The following EPHA6 variants were observed in gnomAD, a reference collection of about 807,000 sequenced individuals.
EPHA6 encodes the protein ephrin type-A receptor 6.
Under a neutral mutation model 112.0 loss-of-function variants are expected in EPHA6, and 50 were observed. The observed-to-expected ratio is 0.45, with a 90% CI of 0.36 to 0.56. The LOEUF is 0.56. EPHA6 is among the 20% of genes least tolerant of loss of function. The pLI, the probability that EPHA6 is intolerant of heterozygous loss-of-function variation, is 0.00. For synonymous variants in EPHA6, 529 were observed against 490.7 expected (o/e 1.08, Z -1.03); for missense variants, 1,280 against 1,417.4 (o/e 0.90, Z 1.56).
intron 14 of EPHA6, among the ~76,000 whole-genome samples, chr3:97,662,782 C>T (rs2094178339): frequency 1.3e-5 from 2 of 152,198 alleles, no homozygotes; most frequent in South Asian, 4.1e-4. Context: ...ATAAAGTACG[C>T]TGTATCCAAG....
At chr3:97,391,526 GTT>G (rs1263963762) in intron 5 of EPHA6, among the ~76,000 whole-genome samples, 2 of 151,882 alleles carry the variant, frequency 1.3e-5, no homozygotes, top group African/African-American at 4.8e-5. Flanking sequence ...TACCTACTAA[GTT>G]ACAGTGTATA....
chr3:97,336,031 C>G (rs1414968955), intron 5 of EPHA6, among the ~76,000 whole-genome samples: 1 of 152,074 alleles, frequency 6.6e-6, no homozygotes, highest in African/African-American at 2.4e-5. Context: ...ATCTCAAGCA[C>G]GTATCTTAAG....
At position 97,091,643 on chromosome 3, in the gene EPHA6, G is replaced by A. The variant is rs935600235; in HGVS notation, c.1114+103650G>A. Among the ~76,000 whole-genome samples, 4 of 152,152 alleles carry A rather than the reference G, an allele frequency of 2.6e-5. No individual in the cohort carries two copies. The East Asian group carries it at 7.7e-4, about 29-fold the overall frequency. On this transcript the variant is annotated intron_variant, in intron 3 of 17. Coordinates refer to ENST00000389672, the MANE Select transcript of EPHA6 (RefSeq NM_001080448.3). ...TCTGTTTTCTATTCTGTAAGATTAG[G>A]CTAATATGTATGTTAAATAATATTT... is the stretch of plus-strand genomic sequence containing the variant.
At chr3:97,325,485 A>G (rs534565590) in intron 5 of EPHA6, among the ~76,000 whole-genome samples, 71 of 152,168 alleles carry the variant, frequency 4.7e-4, no homozygotes, top group Admixed American at 1.9e-3. Context: ...TTTTAACTCA[A>G]TCACTTCTTT....
chr3:97,537,990 G>T (rs2092787233), intron 11 of EPHA6, among the ~76,000 whole-genome samples: 1 of 152,188 alleles, frequency 6.6e-6, no homozygotes, highest in Non-Finnish European at 1.5e-5. Flanking sequence ...AAACCTGAAT[G>T]CAGGGAGGGA....
At chr3:97,384,077 G>A (rs1199146797) in intron 5 of EPHA6, among the ~76,000 whole-genome samples, 1 of 152,072 alleles carries the variant, frequency 6.6e-6, no homozygotes, top group Admixed American at 6.6e-5. Context: ...TTGACTATTG[G>A]AAAATCTATA....
chr3:97,090,811 T>TA (rs1237100765), intron 3 of EPHA6, among the ~76,000 whole-genome samples: 1 of 151,996 alleles, frequency 6.6e-6, no homozygotes, highest in African/African-American at 2.4e-5. Context: ...TCTAGAAACT[T>TA]AGAGAGTTGA....
At chr3:97,714,021 A>G (rs1419629715) in intron 14 of EPHA6, among the ~76,000 whole-genome samples, 1 of 152,188 alleles carries the variant, frequency 6.6e-6, no homozygotes, top group Admixed American at 6.5e-5. Context: ...AAATTACTAG[A>G]ACTGTGTCAG....
chr3:97,447,112 A>G (rs781421961), intron 6 of EPHA6, among the ~76,000 whole-genome samples: 18 of 152,188 alleles, frequency 1.2e-4, no homozygotes, highest in Non-Finnish European at 2.2e-4. Context: ...GAATAACCAA[A>G]TAGCATATAA....
intron 6 of EPHA6, among the ~76,000 whole-genome samples, chr3:97,431,110 AT>A (rs1298165413): frequency 1.3e-5 from 2 of 151,970 alleles, no homozygotes; most frequent in African/African-American, 4.8e-5. Flanking sequence ...ATGGTTTTAA[AT>A]TTCTTGGTAA....
chr3:97,745,598 A>G (rs564498602), intron 16 of EPHA6: 90 of 206,916 alleles, frequency 4.3e-4, no homozygotes, highest in Non-Finnish European at 8.4e-4. Context: ...TTCCAATCAT[A>G]TATAAAGAAT....
intron 7 of EPHA6, among the ~76,000 whole-genome samples, chr3:97,454,715 A>G (rs2090627813): frequency 6.6e-6 from 1 of 151,770 alleles, no homozygotes; most frequent in Non-Finnish European, 1.5e-5. Flanking sequence ...TTTTTTAAAA[A>G]CCTCCATTAT....
At chr3:97,187,657 A>AG (rs1576644720) in intron 3 of EPHA6, among the ~76,000 whole-genome samples, 1 of 138,848 alleles carries the variant, frequency 7.2e-6, no homozygotes, top group Non-Finnish European at 1.6e-5. Flanking sequence ...AGAGAAAGAA[A>AG]GAAAGGAAAG....
At chr3:97,238,098 A>G (rs1033057918) in intron 4 of EPHA6, among the ~76,000 whole-genome samples, 3 of 151,968 alleles carry the variant, frequency 2.0e-5, no homozygotes, top group Non-Finnish European at 4.4e-5. Flanking sequence ...AATTATGTAC[A>G]TGCTGTATGG....
At chr3:96,898,651 A>T (rs2038415991) in intron 2 of EPHA6, among the ~76,000 whole-genome samples, 4 of 152,246 alleles carry the variant, frequency 2.6e-5, no homozygotes, top group African/African-American at 9.6e-5. Flanking sequence ...CCCAATCAGG[A>T]ATTCTTATAT....
At chr3:97,681,740 T>C (rs1277243808) in intron 14 of EPHA6, among the ~76,000 whole-genome samples, 1 of 152,064 alleles carries the variant, frequency 6.6e-6, no homozygotes, top group African/African-American at 2.4e-5. Flanking sequence ...AATAAAATAC[T>C]TCATTATAAA....
At chr3:97,088,178 TA>T (rs1576464919) in intron 3 of EPHA6, among the ~76,000 whole-genome samples, 1 of 152,020 alleles carries the variant, frequency 6.6e-6, no homozygotes. Context: ...AGACTCCATC[TA>T]AAAAATTAAT....
chr3:97,124,974 G>T (rs1238113717), intron 3 of EPHA6, among the ~76,000 whole-genome samples: 1 of 151,232 alleles, frequency 6.6e-6, no homozygotes, highest in East Asian at 1.9e-4. Flanking sequence ...CTTTTTTAAG[G>T]CCTCACAAAT....
In EPHA6 at chr3:97,120,324, A is replaced by G. The variant is rs538296860; in HGVS notation, c.1115-105940A>G. Among the ~76,000 whole-genome samples the G allele has an allele frequency of 2.3e-4, 35 of 152,102 alleles. No homozygotes were observed. The Middle Eastern group carries it at 0.027, about 118-fold the overall frequency. On this transcript the variant is annotated intron_variant, in intron 3 of 17. Transcript: ENST00000389672. The stretch of plus-strand genomic sequence containing the variant: ...TCTTCTAGAAACAGTAATTCTTCTT[A>G]GAAACTTAGTACAGGTAAGTTTTAT...
Sources: allele counts gnomAD v4.1 joint callset (sites outside exome capture counted in the v4.1 genomes callset), GRCh38; gene constraint gnomAD v4.1.1; transcripts MANE v1.5; gene names NCBI Gene and HGNC (gene_info 2026-07-23, HGNC 2026-07-21).